The following SYT1 variants were observed in gnomAD, a reference collection of about 807,000 sequenced individuals.
The protein encoded by SYT1 is synaptotagmin-1.
Under a neutral mutation model 44.8 loss-of-function variants are expected in SYT1, and 8 were observed. The observed-to-expected ratio is 0.18, with a 90% CI of 0.10 to 0.32. The LOEUF (loss-of-function observed/expected upper bound fraction) is 0.32, where lower values mean the gene tolerates loss of function less well. Among genes scored for constraint, SYT1 ranks in the 10% least tolerant of loss-of-function variants. The probability of loss-of-function intolerance (pLI) is 1.00; values close to 1 mark genes in which losing one functional copy is unlikely to be tolerated. For synonymous variants in SYT1, 154 were observed against 188.8 expected (o/e 0.82, Z 1.51); for missense variants, 286 against 509.3 (o/e 0.56, Z 4.22).
chr12:79,380,580 G>A (rs979332222), intron 9 of SYT1, among the ~76,000 whole-genome samples: 64 of 152,168 alleles, frequency 4.2e-4, no homozygotes, highest in African/African-American at 1.5e-3. Context: ...ATACATGGGG[G>A]TCTCACTATA....
intron 4 of SYT1, among the ~76,000 whole-genome samples, chr12:79,222,849 A>T (rs1045485856): frequency 6.6e-6 from 1 of 151,950 alleles, no homozygotes; most frequent in Non-Finnish European, 1.5e-5. Flanking sequence ...TTCAAAATCA[A>T]AGATTCTTTC....
chr12:79,275,884 A>T (rs536404982), intron 4 of SYT1, among the ~76,000 whole-genome samples: 1 of 152,258 alleles, frequency 6.6e-6, no homozygotes, highest in East Asian at 1.9e-4. Flanking sequence ...CCCACAGGAG[A>T]CAGTAAACCT....
intron 9 of SYT1, among the ~76,000 whole-genome samples, chr12:79,356,908 G>T (rs1413408932): frequency 1.3e-5 from 2 of 152,076 alleles, no homozygotes; most frequent in African/African-American, 2.4e-5. Flanking sequence ...TATGCAACAT[G>T]GGAAAGCAAC....
intron 3 of SYT1, among the ~76,000 whole-genome samples, chr12:79,066,760 AT>A (rs1338515134): frequency 6.6e-6 from 1 of 152,098 alleles, no homozygotes; most frequent in African/African-American, 2.4e-5. Context: ...GGTGAGACAG[AT>A]TTTCACTTCC....
intron 3 of SYT1, among the ~76,000 whole-genome samples, chr12:79,061,224 T>C (rs781052883): frequency 6.6e-6 from 1 of 152,082 alleles, no homozygotes; most frequent in Non-Finnish European, 1.5e-5. Context: ...AAGAAGGAAA[T>C]AATCTATACA....
At chr12:79,149,049 T>C (rs1007822219) in intron 3 of SYT1, among the ~76,000 whole-genome samples, 2 of 152,146 alleles carry the variant, frequency 1.3e-5, no homozygotes, top group Admixed American at 1.3e-4. Context: ...TATAAGAACA[T>C]TACTTTATAT....
chr12:78,963,398 A>C (rs1043317426), intron 1 of SYT1, among the ~76,000 whole-genome samples: 22 of 152,280 alleles, frequency 1.4e-4, no homozygotes, highest in African/African-American at 5.1e-4. Context: ...GAATGGGAGA[A>C]AATGTTTGCA....
intron 1 of SYT1, chr12:78,963,949 T>A (rs1257195516): frequency 6.6e-6 from 1 of 152,238 alleles, no homozygotes; most frequent in East Asian, 1.9e-4. Context: ...ATACATTTTT[T>A]AAATGTAGTA....
At chr12:79,378,173 A>T (rs529433527) in intron 9 of SYT1, among the ~76,000 whole-genome samples, 1 of 152,324 alleles carries the variant, frequency 6.6e-6, no homozygotes, top group South Asian at 2.1e-4. Context: ...ATTCTCTTCT[A>T]TTAGAAATCT....
Position 79,313,894 on chromosome 12 carries a change from G to A in SYT1, c.810+14343G>A, listed in dbSNP as rs573914194. 8.1e-5 allele frequency among the ~76,000 whole-genome samples: 12 copies of A among 149,066 alleles called. No individual in the cohort carries two copies. The East Asian group carries it at 2.3e-3, about 29-fold the overall frequency. ...CTCAAAAAAATATTAGCGGGGCCGG[G>A]CGCGGTGGCTCACGCCTGTAATTCC... On this transcript the variant is annotated intron_variant, in intron 8 of 10. Coordinates refer to ENST00000261205, the MANE Select transcript of SYT1 (RefSeq NM_005639.3).
At chr12:79,088,606 T>G (rs11829495) in intron 3 of SYT1, among the ~76,000 whole-genome samples, 23,109 of 152,010 alleles carry the variant, frequency 0.15, 1,870 homozygotes, top group South Asian at 0.19. Flanking sequence ...TTCAAAATTT[T>G]AAGCCAAGAA....
At chr12:78,881,264 G>A (rs10506791) in intron 1 of SYT1, among the ~76,000 whole-genome samples, 4,738 of 151,232 alleles carry the variant, frequency 0.031, 198 homozygotes, top group Admixed American at 0.12. Flanking sequence ...ATTTTATATC[G>A]CTCCCTTCAC....
chr12:79,201,733 G>C (rs1281004249), intron 3 of SYT1, among the ~76,000 whole-genome samples: 2 of 152,086 alleles, frequency 1.3e-5, no homozygotes, highest in African/African-American at 4.8e-5. Context: ...ATAGGAAAAG[G>C]TGCAGATCTT....
chr12:79,072,412 T>C (rs901175578), intron 3 of SYT1, among the ~76,000 whole-genome samples: 3 of 152,062 alleles, frequency 2.0e-5, no homozygotes, highest in African/African-American at 7.2e-5. Flanking sequence ...TATAATAAAG[T>C]TTGAAATTTT....
chr12:79,356,499 C>T (rs1004257594), intron 9 of SYT1, among the ~76,000 whole-genome samples: 6 of 152,122 alleles, frequency 3.9e-5, no homozygotes, highest in African/African-American at 9.7e-5. Context: ...ATGTGTCTAA[C>T]CCACTTACCA....
chr12:79,239,918 C>G (rs1876402231), intron 4 of SYT1, among the ~76,000 whole-genome samples: 1 of 152,194 alleles, frequency 6.6e-6, no homozygotes, highest in African/African-American at 2.4e-5. Flanking sequence ...AGTGGAACAT[C>G]TCTCTCACCT....
intron 2 of SYT1, among the ~76,000 whole-genome samples, chr12:78,980,220 G>T (rs1321801226): frequency 6.6e-6 from 1 of 152,110 alleles, no homozygotes; most frequent in Admixed American, 6.6e-5. Context: ...TGAAAAGACG[G>T]AATGTCGTGA....
chr12:78,965,656 C>A (rs771312706), intron 1 of SYT1, among the ~76,000 whole-genome samples: 2 of 152,106 alleles, frequency 1.3e-5, no homozygotes, highest in African/African-American at 2.4e-5. Context: ...CACTTGCCAA[C>A]AATCACATAG....
At chr12:79,152,375 T>A (rs1236582305) in intron 3 of SYT1, among the ~76,000 whole-genome samples, 3 of 152,100 alleles carry the variant, frequency 2.0e-5, no homozygotes, top group Non-Finnish European at 2.9e-5. Flanking sequence ...ACATACCTCT[T>A]CTATTGGCAT....
Sources: allele counts gnomAD v4.1 joint callset (sites outside exome capture counted in the v4.1 genomes callset), GRCh38; gene constraint gnomAD v4.1.1; transcripts MANE v1.5; gene names NCBI Gene and HGNC (gene_info 2026-07-23, HGNC 2026-07-21).